The following LOXHD1 variants were observed in gnomAD, a reference collection of about 807,000 sequenced individuals.
LOXHD1 encodes lipoxygenase homology PLAT domains 1.
LOXHD1 carries 205 observed loss-of-function variants against 248.2 expected under a neutral mutation model. The ratio of observed to expected loss-of-function variants is 0.83; its 90% confidence interval spans 0.74 to 0.93. The LOEUF is 0.93. Among genes scored for constraint, LOXHD1 ranks in the 40% least tolerant of loss-of-function variants. LOXHD1 has a pLI of 0.00. For missense variants in LOXHD1, 2,930 were observed against 2,971.6 expected (o/e 0.99, Z 0.33); for synonymous variants, 1,113 against 1,162.8 (o/e 0.96, Z 0.87).
chr18:46,539,322 G>A (rs953691927), intron 25 of LOXHD1, among the ~76,000 whole-genome samples: 1 of 152,184 alleles, frequency 6.6e-6, no homozygotes, highest in Non-Finnish European at 1.5e-5. Context: ...TTAGCTGGAC[G>A]TGGCGGTGGG....
At chr18:46,592,174 C>A in intron 11 of LOXHD1, 106 bp from the exon 12 acceptor site, 1 of 1,427,944 alleles carries the variant, frequency 7.0e-7, no homozygotes. Context: ...AGGCTATTTC[C>A]TGGAGATAAT....
At chr18:46,499,947 A>G (rs560986100) in intron 37 of LOXHD1, among the ~76,000 whole-genome samples, 2 of 152,310 alleles carry the variant, frequency 1.3e-5, no homozygotes, top group Admixed American at 1.3e-4. Context: ...ACTATGGAGT[A>G]GGGAATTGAC....
Position 46,507,639 on chromosome 18 carries a change from C to A in LOXHD1, c.5591G>T (p.Gly1864Val), listed in dbSNP as rs769890234. ...CATTTCACACACCAGGGTCTTCTTG[C>A]CCTTCCGCTGGGACAGCCAGTCTCC... ...YYGDWLSQRK[G>V]KKTLVCEMCA... The change falls in exon 36 of 41, where the codon GGC becomes GTC. Residue 1864 changes from glycine (G) to valine (V), a missense_variant. Physicochemically the swap from Gly to Val is moderately radical, Grantham distance 109. Transcript: ENST00000642948. The A allele has an allele frequency of 2.1e-5, 32 of 1,551,618 alleles. No individual in the cohort carries two copies. The South Asian group carries it at 3.8e-4, about 18-fold the overall frequency.
At chr18:46,595,216 C>T (rs1337685502) in intron 8 of LOXHD1, among the ~76,000 whole-genome samples, 2 of 152,208 alleles carry the variant, frequency 1.3e-5, no homozygotes, top group Non-Finnish European at 2.9e-5. Flanking sequence ...AACTTGAATT[C>T]TTGCCCTTAG....
At chr18:46,494,372 A>T (rs1317812306) in intron 37 of LOXHD1, among the ~76,000 whole-genome samples, 1 of 152,166 alleles carries the variant, frequency 6.6e-6, no homozygotes, top group Non-Finnish European at 1.5e-5. Flanking sequence ...ACCACTAAAA[A>T]TTCTTCTCAG....
intron 17 of LOXHD1, among the ~76,000 whole-genome samples, chr18:46,565,929 C>G (rs1010761529): frequency 5.3e-5 from 8 of 152,122 alleles, no homozygotes; most frequent in African/African-American, 1.9e-4. Flanking sequence ...TCTCCTCAGC[C>G]AGTCTTCATC....
intron 1 of LOXHD1, among the ~76,000 whole-genome samples, chr18:46,655,644 C>T (rs2039171277): frequency 6.6e-6 from 1 of 152,176 alleles, no homozygotes; most frequent in Non-Finnish European, 1.5e-5. Context: ...CCCCTTCTAC[C>T]CTTGGAGGTA....
At chr18:46,582,731 C>T (rs545916420) in intron 12 of LOXHD1, among the ~76,000 whole-genome samples, 1 of 152,192 alleles carries the variant, frequency 6.6e-6, no homozygotes. Flanking sequence ...GCTGATGATA[C>T]TACACATACA....
intron 34 of LOXHD1, among the ~76,000 whole-genome samples, chr18:46,517,345 G>A (rs1404004597): frequency 6.6e-6 from 1 of 152,268 alleles, no homozygotes; most frequent in East Asian, 1.9e-4. Flanking sequence ...GGCCATCTGG[G>A]TATAGTTTGC....
rs1397912699 is a variant in LOXHD1, at chr18:46,477,366, C to T, written c.*106G>A. The T allele has an allele frequency of 2.0e-6, 3 of 1,471,320 alleles. No individual in the cohort carries two copies. Among genetic ancestry groups the T allele is most frequent in the East Asian group, 2.5e-5 (1 of 40,460 alleles). 91.1% of individuals were successfully genotyped at this position (1,471,320 alleles called of 1,614,324 possible). A position where few individuals can be genotyped will look rare whatever the true frequency, so the allele number is the denominator to read the frequency against. ...CATGAAGTTCTCAGTGGACTGCTAG[C>T]CCCCAGTGCCAATGCTAGAGGCTTT... On this transcript the variant is annotated 3_prime_UTR_variant, in exon 41 of 41. Coordinates refer to ENST00000642948, the MANE Select transcript of LOXHD1 (RefSeq NM_001384474.1).
intron 34 of LOXHD1, among the ~76,000 whole-genome samples, chr18:46,515,391 C>T (rs369289947): frequency 7.9e-5 from 12 of 152,148 alleles, no homozygotes; most frequent in African/African-American, 2.4e-4. Context: ...AAACATGTCT[C>T]GGGTAACAGC....
intron 37 of LOXHD1, among the ~76,000 whole-genome samples, chr18:46,500,183 C>G (rs1355541091): frequency 6.6e-6 from 1 of 152,198 alleles, no homozygotes; most frequent in Non-Finnish European, 1.5e-5. Context: ...TTGCTATCCT[C>G]AAGCTGCACT....
At chr18:46,656,268 T>G (rs1421296776) in intron 1 of LOXHD1, among the ~76,000 whole-genome samples, 1 of 152,122 alleles carries the variant, frequency 6.6e-6, no homozygotes, top group Non-Finnish European at 1.5e-5. Flanking sequence ...AAAAACAACT[T>G]AAACTCTGCT....
chr18:46,611,892 G>C (rs2038514066), intron 5 of LOXHD1, among the ~76,000 whole-genome samples: 1 of 152,046 alleles, frequency 6.6e-6, no homozygotes, highest in Non-Finnish European at 1.5e-5. Flanking sequence ...ATTTTTGTTT[G>C]CATATATATG....
chr18:46,546,287 C>T (rs1463853068), intron 22 of LOXHD1, among the ~76,000 whole-genome samples: 5 of 152,050 alleles, frequency 3.3e-5, no homozygotes, highest in African/African-American at 4.8e-5. Flanking sequence ...CCATTCTACT[C>T]CACTCTACTC....
intron 26 of LOXHD1, among the ~76,000 whole-genome samples, 171 bp from the exon 27 acceptor site, chr18:46,534,622 T>G (rs2036224893): frequency 6.6e-6 from 1 of 152,182 alleles, no homozygotes; most frequent in Admixed American, 6.5e-5. Flanking sequence ...ACACACGCCA[T>G]GCTTATGCCT....
intron 14 of LOXHD1, among the ~76,000 whole-genome samples, chr18:46,573,907 C>A (rs1054160772): frequency 1.3e-5 from 2 of 152,256 alleles, no homozygotes; most frequent in South Asian, 4.1e-4. Context: ...CATGAGCATG[C>A]AATGGTGAAA....
intron 37 of LOXHD1, among the ~76,000 whole-genome samples, chr18:46,499,867 T>C (rs2034114575): frequency 6.6e-6 from 1 of 152,198 alleles, no homozygotes; most frequent in African/African-American, 2.4e-5. Context: ...ATTTTAAATA[T>C]TTTGAATTTC....
intron 12 of LOXHD1, among the ~76,000 whole-genome samples, chr18:46,583,000 A>G (rs1599026545): frequency 6.6e-6 from 1 of 152,192 alleles, no homozygotes. Flanking sequence ...GTAGTTTAAA[A>G]CCTGCCAGTA....
Sources: gnomAD v4.1 joint callset for allele counts (sites outside exome capture counted in the v4.1 genomes callset) on GRCh38, gnomAD v4.1.1 for gene constraint, MANE v1.5 for transcripts, NCBI Gene and HGNC (gene_info 2026-07-23, HGNC 2026-07-21) for gene names.